INTS3: variants seen among roughly 807,000 people sequenced by gnomAD.
The protein encoded by INTS3 is integrator complex subunit 3.
A neutral mutation model predicts 146.3 loss-of-function variants in INTS3; 34 were observed. The ratio of observed to expected loss-of-function variants is 0.23; its 90% CI spans 0.18 to 0.31. The LOEUF is 0.31. Ranked by LOEUF, INTS3 falls within the 10% of genes least tolerant of loss-of-function variation. The probability of loss-of-function intolerance (pLI) is 1.00; values close to 1 mark genes in which losing one functional copy is unlikely to be tolerated. For missense variants in INTS3, 757 were observed against 1,304.2 expected (o/e 0.58, Z 6.46); for synonymous variants, 475 against 494.9 (o/e 0.96, Z 0.53).
chr1:153,765,437 T>G (rs1672542069), intron 20 of INTS3, among the ~76,000 whole-genome samples: 1 of 152,182 alleles, frequency 6.6e-6, no homozygotes. Flanking sequence ...GTGATGGTCC[T>G]GCTTCAGCCT....
At chr1:153,739,209 G>A (rs972468302) in intron 1 of INTS3, among the ~76,000 whole-genome samples, 3 of 151,780 alleles carry the variant, frequency 2.0e-5, no homozygotes, top group East Asian at 1.9e-4. Flanking sequence ...GACTACAGGC[G>A]TGTGCCACAA....
chr1:153,730,790 C>G (rs989871802), intron 1 of INTS3, among the ~76,000 whole-genome samples: 26 of 152,080 alleles, frequency 1.7e-4, no homozygotes, highest in African/African-American at 6.3e-4. Context: ...TCAAGCTCCC[C>G]CTTCTTTGCC....
intron 21 of INTS3, among the ~76,000 whole-genome samples, chr1:153,768,214 G>A (rs1205694267): frequency 6.6e-6 from 1 of 152,130 alleles, no homozygotes; most frequent in East Asian, 1.9e-4. Flanking sequence ...CTGATGACCA[G>A]GGCTTCTGTA....
At chr1:153,729,259 A>G (rs2101766205) in intron 1 of INTS3, among the ~76,000 whole-genome samples, 1 of 152,272 alleles carries the variant, frequency 6.6e-6, no homozygotes, top group East Asian at 1.9e-4. Context: ...ATTGCCAGTG[A>G]TGTTAACTGG....
Position 153,764,567 on chromosome 1 carries a change from G to A in INTS3, c.1926-123G>A, listed in dbSNP as rs1028130349. 13 of 800,748 alleles carry A rather than the reference G, an allele frequency of 1.6e-5. No homozygotes were observed. The African/African-American group carries it at 2.0e-4, about 12-fold the overall frequency. 49.6% of individuals were successfully genotyped at this position (800,748 alleles called of 1,614,324 possible). A position where few individuals can be genotyped will look rare whatever the true frequency, so the allele number is the denominator to read the frequency against. On this transcript the variant is annotated intron_variant, in intron 18 of 29. Transcript: ENST00000318967. ...TTTTCTCTGTTACCAAGCCTGCGGA[G>A]CAGCAGGAAGTTTGCCTTTTGGGTA...
intron 23 of INTS3, 116 bp from the exon 24 acceptor site, chr1:153,770,058 GGTGTGTGTGTGTGTGTGTGTGTGT>G (rs55766761): frequency 9.2e-5 from 41 of 444,146 alleles, no homozygotes; most frequent in Non-Finnish European, 1.2e-4. Flanking sequence ...AGTGGATTGG[GGTGTGTGTGTGTGTGTGTGTGTGT>G]GTGTGTGTGT....
At position 153,764,229 on chromosome 1, in the gene INTS3, T is replaced by A; in HGVS notation, c.1925+8T>A. 6.3e-7 allele frequency: 1 copy of A among 1,590,112 alleles called. No individual in the cohort carries two copies. Among genetic ancestry groups the A allele is most frequent in the Non-Finnish European group, 8.6e-7 (1 of 1,158,554 alleles). ...TGAGGAGATTACTGAGGAGTAAGGC[T>A]GATTTTCCCTCACTCCAGAGCCTCA... On this transcript the variant is annotated splice_region_variant and intron_variant, in intron 18 of 29. Transcript: ENST00000318967.
chr1:153,752,414 T>C lies in INTS3; in HGVS notation c.859+6T>C, dbSNP rs753129277. ...CTTGAGTCCTCAGTTCACAGGTAAG[T>C]AGGGTCTTAGGCATCCTGTCCTTGA... is the stretch of plus-strand genomic sequence containing the variant. On this transcript the variant is annotated splice_donor_region_variant and intron_variant, in intron 8 of 29. Transcript: ENST00000318967. 1.9e-6 allele frequency: 3 copies of C among 1,606,212 alleles called. No individual in the cohort carries two copies. The African/African-American group carries it at 4.0e-5, about 22-fold the overall frequency.
chr1:153,763,136 C>T, intron 15 of INTS3, 97 bp from the exon 16 acceptor site: 1 of 1,487,180 alleles, frequency 6.7e-7, no homozygotes, highest in Non-Finnish European at 9.3e-7. Flanking sequence ...CAGGTGCACA[C>T]TTAGGGCATG....
rs1570876778 is a variant in INTS3 at position 153,763,934 on chromosome 1, A to G, written c.1821+48A>G. On this transcript the variant is annotated intron_variant, in intron 17 of 29. Coordinates refer to ENST00000318967, the MANE Select transcript of INTS3 (RefSeq NM_023015.5). ...AGGGAGGAAGCAGCCTAGCCTGCTT[A>G]GCTTACACGTCTCCCAGGGAAGACA... The G allele has an allele frequency of 1.9e-6, 3 of 1,539,956 alleles. No individual in the cohort carries two copies. The East Asian group carries it at 6.7e-5, about 35-fold the overall frequency.
At chr1:153,767,256 G>A (rs1451469063) in intron 20 of INTS3, 1 of 163,418 alleles carries the variant, frequency 6.1e-6, no homozygotes, top group Admixed American at 6.4e-5. Flanking sequence ...TCTTCTACAA[G>A]TTGTGTGGCT....
intron 1 of INTS3, among the ~76,000 whole-genome samples, chr1:153,730,037 G>T (rs568011945): frequency 3.1e-4 from 47 of 152,194 alleles, no homozygotes; most frequent in African/African-American, 1.1e-3. Context: ...CTATTAGAGG[G>T]TGGGCAGGCA....
In INTS3 at chr1:153,771,783, C is replaced by G. The variant is rs1558011745; in HGVS notation, c.2553-13C>G. 1 of 1,606,338 alleles carries G rather than the reference C, an allele frequency of 6.2e-7. No homozygotes were observed. The highest frequency in any genetic ancestry group is 2.2e-5 in the East Asian group (1 of 44,716). ...CTGTGCAAGCAGCACCCAGTGCCCC[C>G]TTCCTCCCCCAGGCCCAGCGAGGAG... is the stretch of plus-strand genomic sequence containing the variant. On this transcript the variant is annotated splice_polypyrimidine_tract_variant and intron_variant, in intron 25 of 29. Coordinates refer to ENST00000318967, the MANE Select transcript of INTS3 (RefSeq NM_023015.5).
intron 1 of INTS3, among the ~76,000 whole-genome samples, chr1:153,738,337 C>T (rs1408111461): frequency 6.6e-6 from 1 of 152,118 alleles, no homozygotes; most frequent in Non-Finnish European, 1.5e-5. Flanking sequence ...TGGGCTCAAG[C>T]AGTCCTCCTG....
chr1:153,761,797 A>G, intron 14 of INTS3, 121 bp downstream of exon 14: 2 of 594,054 alleles, frequency 3.4e-6, no homozygotes, highest in South Asian at 4.4e-5. Context: ...ACTGTCCATC[A>G]CAGTTTTTCC....
chr1:153,762,092 C>G (rs921602769), intron 14 of INTS3, among the ~76,000 whole-genome samples: 5 of 152,244 alleles, frequency 3.3e-5, no homozygotes, highest in African/African-American at 9.6e-5. Flanking sequence ...ACCACACATA[C>G]ACACTTTGTT....
chr1:153,757,068 A>T lies in INTS3; in HGVS notation c.958-504A>T, dbSNP rs1672187861. On this transcript the variant is annotated intron_variant, in intron 9 of 29. Coordinates refer to ENST00000318967, the MANE Select transcript of INTS3 (RefSeq NM_023015.5). This position sits in a 1 kb window ranked among gnomAD's most constrained non-coding sequence, Gnocchi z 4.0. The stretch of plus-strand genomic sequence containing the variant: ...TTTGTGATCACTTAGGGTCTGTTTG[A>T]GGAAAAACTTTCCACAAGAAGGTTT... Among the ~76,000 whole-genome samples, 1 of 152,164 alleles carries T rather than the reference A, an allele frequency of 6.6e-6. No homozygotes were observed. Among genetic ancestry groups the T allele is most frequent in the Non-Finnish European group, 1.5e-5 (1 of 68,020 alleles).
intron 6 of INTS3, among the ~76,000 whole-genome samples, chr1:153,749,680 A>G (rs908281812): frequency 6.6e-6 from 1 of 152,236 alleles, no homozygotes; most frequent in African/African-American, 2.4e-5. Context: ...GTGAGATCCT[A>G]ACAGTCTCTT....
rs768106562 is a variant in INTS3 at position 153,737,759 on chromosome 1, A to G, written c.151-2892A>G. ...AGTGATCCTCCCGCCTCAGCCTCCAAAAGTGCTGGGATTACAGACGTGAGC... is the reference window on the plus strand; with the variant it reads ...AGTGATCCTCCCGCCTCAGCCTCCAGAAGTGCTGGGATTACAGACGTGAGC... On this transcript the variant is annotated intron_variant, in intron 1 of 29. Coordinates refer to ENST00000318967, the MANE Select transcript of INTS3 (RefSeq NM_023015.5). 1.2e-4 allele frequency among the ~76,000 whole-genome samples: 18 copies of G among 152,036 alleles called. 1 individual carries two copies. Among genetic ancestry groups the G allele is most frequent in the Middle Eastern group, 6.9e-3 (2 of 290 alleles).
Sources: gnomAD v4.1 joint callset for allele counts (sites outside exome capture counted in the v4.1 genomes callset) on GRCh38, gnomAD v4.1.1 for gene constraint, Gnocchi (gnomAD v3.1) non-coding constraint, MANE v1.5 for transcripts, NCBI Gene and HGNC (gene_info 2026-07-23, HGNC 2026-07-21) for gene names.